Variants in SMARCC1 observed in about 807,000 individuals in gnomAD.
SMARCC1 encodes SWI/SNF complex subunit SMARCC1.
In SMARCC1, 43 loss-of-function variants were observed where a neutral mutation model predicts 147.4. The observed-to-expected ratio is 0.29, with a 90% confidence interval of 0.23 to 0.38. SMARCC1 has a LOEUF of 0.38. SMARCC1 is among the 10% of genes least tolerant of loss of function. The probability of loss-of-function intolerance (pLI) is 1.00; values close to 1 mark genes in which losing one functional copy is unlikely to be tolerated. For missense variants in SMARCC1, 1,119 were observed against 1,381.1 expected (o/e 0.81, Z 3.01); for synonymous variants, 495 against 484.4 (o/e 1.02, Z -0.29).
intron 11 of SMARCC1, among the ~76,000 whole-genome samples, chr3:47,698,625 A>C (rs2033883192): frequency 6.6e-6 from 1 of 152,190 alleles, no homozygotes; most frequent in African/African-American, 2.4e-5. Context: ...AAAATGAGAT[A>C]TAAATTTAAC....
intron 26 of SMARCC1, among the ~76,000 whole-genome samples, chr3:47,604,958 C>T (rs2032447549): frequency 1.3e-5 from 2 of 152,184 alleles, no homozygotes; most frequent in South Asian, 4.1e-4. Flanking sequence ...GCCTTGGCTT[C>T]CCAAAGTGTT....
At position 47,780,168 on chromosome 3, in the gene SMARCC1, G is replaced by GTTTTTTT. The variant is rs10662354; in HGVS notation, c.195+1428_195+1434dup. On this transcript the variant is annotated intron_variant, in intron 1 of 27. Transcript: ENST00000254480. ...ATTTCTGGGTCTTTGGTTTTTTTTTGTTTTTTTTTTTTTTTTTTTTTTGGA... is the reference window on the plus strand; with the variant it reads ...ATTTCTGGGTCTTTGGTTTTTTTTTGTTTTTTTTTTTTTTTTTTTTTTTTTTTTTGGA... Among the ~76,000 whole-genome samples the GTTTTTTT allele has an allele frequency of 2.6e-4, 16 of 61,890 alleles. 1 individual carries two copies. Among genetic ancestry groups the GTTTTTTT allele is most frequent in the African/African-American group, 5.3e-4 (8 of 15,072 alleles). The allele number at this position is 61,890 out of a possible 152,430, so 40.6% of individuals were successfully genotyped here. A position where few individuals can be genotyped will look rare whatever the true frequency, so the allele number is the denominator to read the frequency against.
At chr3:47,776,512 G>A (rs2034977077) in intron 1 of SMARCC1, among the ~76,000 whole-genome samples, 1 of 152,066 alleles carries the variant, frequency 6.6e-6, no homozygotes, top group Admixed American at 6.6e-5. Flanking sequence ...GCTGAGGCAG[G>A]AAAATTGCTT....
intron 18 of SMARCC1, among the ~76,000 whole-genome samples, chr3:47,673,034 C>T (rs1328687995): frequency 6.6e-6 from 1 of 151,960 alleles, no homozygotes; most frequent in Non-Finnish European, 1.5e-5. Context: ...ACAATATAAG[C>T]CTCATTAGAG....
chr3:47,695,661 G>A (rs778664061), intron 11 of SMARCC1, among the ~76,000 whole-genome samples: 2 of 151,142 alleles, frequency 1.3e-5, no homozygotes, highest in African/African-American at 4.9e-5. Flanking sequence ...CAGCTACTAG[G>A]GAGGCTGAAG....
At chr3:47,617,084 A>G (rs2106678712) in intron 25 of SMARCC1, among the ~76,000 whole-genome samples, 1 of 152,328 alleles carries the variant, frequency 6.6e-6, no homozygotes, top group South Asian at 2.1e-4. Flanking sequence ...CTGCATATAT[A>G]TCTGAGTCCC....
At chr3:47,639,245 T>A (rs933592370) in intron 21 of SMARCC1, among the ~76,000 whole-genome samples, 1 of 152,216 alleles carries the variant, frequency 6.6e-6, no homozygotes. Context: ...GGGGAAACAC[T>A]ATGACCCAGA....
rs748544901 is a variant in SMARCC1 at position 47,736,096 on chromosome 3, G to C, written c.514C>G (p.Leu172Val). Residue 172 changes from leucine to valine, a missense_variant, in exon 5 of 28, where the codon CTC becomes GTC. By Grantham distance (32) the Leu-to-Val change is conservative. This residue lies in a region of SMARCC1 where 542 missense variants were observed against 611.8 expected (regional missense o/e 0.89). Coordinates refer to ENST00000254480, the MANE Select transcript of SMARCC1 (RefSeq NM_003074.4). ...AACTTCAGATCAATGTCTGGAATGA[G>C]GTAGATGTTGGGTCTGGTCAAACAA... is the stretch of plus-strand genomic sequence containing the variant. ...NNCLTRPNIY[L>V]IPDIDLKLAN... is the part of the protein sequence containing the mutation. 3 of 1,597,272 alleles carry C rather than the reference G, an allele frequency of 1.9e-6. No homozygotes were observed. Among genetic ancestry groups the C allele is most frequent in the South Asian group, 1.1e-5 (1 of 88,086 alleles).
intron 19 of SMARCC1, among the ~76,000 whole-genome samples, chr3:47,662,991 G>A (rs111583923): frequency 3.3e-5 from 5 of 150,250 alleles, no homozygotes; most frequent in South Asian, 2.1e-4. Context: ...CACCAGAATC[G>A]CTTGAACCTG....
chr3:47,678,489 A>G (rs964824157), intron 15 of SMARCC1, 178 bp from the exon 16 acceptor site: 1 of 415,608 alleles, frequency 2.4e-6, no homozygotes, highest in Non-Finnish European at 4.3e-6. Context: ...AGAACCACGA[A>G]TATGCAAAAC....
intron 6 of SMARCC1, among the ~76,000 whole-genome samples, chr3:47,724,989 A>G (rs978258917): frequency 7.4e-6 from 1 of 134,394 alleles, no homozygotes; most frequent in Admixed American, 8.6e-5. Flanking sequence ...CCACGATCGC[A>G]CCACTGCACT....
At chr3:47,757,902 T>C (rs1395848992) in intron 2 of SMARCC1, among the ~76,000 whole-genome samples, 4 of 152,056 alleles carry the variant, frequency 2.6e-5, no homozygotes, top group Non-Finnish European at 5.9e-5. Flanking sequence ...TCTACTAAAG[T>C]TGACCAACCT....
At chr3:47,675,451 C>G (rs1306122030) in intron 18 of SMARCC1, 24 bp downstream of exon 18, 2 of 1,134,290 alleles carry the variant, frequency 1.8e-6, no homozygotes, top group Non-Finnish European at 2.7e-6. Context: ...TGGATTGCAG[C>G]CCATGTGTGA....
intron 2 of SMARCC1, among the ~76,000 whole-genome samples, chr3:47,770,592 C>T (rs2106874043): frequency 6.6e-6 from 1 of 152,194 alleles, no homozygotes; most frequent in African/African-American, 2.4e-5. Context: ...CACTGCACTG[C>T]AGCCTGGGCA....
intron 7 of SMARCC1, among the ~76,000 whole-genome samples, chr3:47,718,440 A>G (rs1198973311): frequency 2.0e-5 from 3 of 152,204 alleles, no homozygotes; most frequent in Non-Finnish European, 4.4e-5. Context: ...TCTGAAAAAA[A>G]TTAAAGAGAG....
At chr3:47,685,556 TAAAA>T (rs34711590) in intron 14 of SMARCC1, among the ~76,000 whole-genome samples, 1 of 139,416 alleles carries the variant, frequency 7.2e-6, no homozygotes. Context: ...TGTTTTTCTT[TAAAA>T]AAAAAAAAAA....
intron 1 of SMARCC1, among the ~76,000 whole-genome samples, chr3:47,777,984 T>A (rs2034995504): frequency 6.6e-6 from 1 of 151,104 alleles, no homozygotes; most frequent in Non-Finnish European, 1.5e-5. Context: ...GGCTGGCGGA[T>A]CACCTGAGGT....
chr3:47,627,876 C>A (rs1274438171), intron 24 of SMARCC1, among the ~76,000 whole-genome samples: 1 of 151,814 alleles, frequency 6.6e-6, no homozygotes, highest in African/African-American at 2.4e-5. Flanking sequence ...ATTACACCAC[C>A]ACGCCTGGCC....
At chr3:47,646,771 A>C (rs1260162481) in intron 21 of SMARCC1, among the ~76,000 whole-genome samples, 1 of 152,158 alleles carries the variant, frequency 6.6e-6, no homozygotes, top group Non-Finnish European at 1.5e-5. Context: ...ATGACTTCCC[A>C]ATGTCTGCAA....
Sources: gnomAD v4.1 joint callset for allele counts (sites outside exome capture counted in the v4.1 genomes callset) on GRCh38, gnomAD v4.1.1 for gene constraint, gnomAD v4.1.1 regional missense constraint, MANE v1.5 for transcripts, NCBI Gene and HGNC (gene_info 2026-07-23, HGNC 2026-07-21) for gene names.